CACNA2D3: variants seen among roughly 807,000 people sequenced by gnomAD.
The protein encoded by CACNA2D3 is calcium voltage-gated channel auxiliary subunit alpha2delta 3, also known as voltage-dependent calcium channel subunit alpha-2/delta-3.
CACNA2D3 carries 60 observed loss-of-function variants against 160.6 expected under a neutral mutation model. The ratio of observed to expected loss-of-function variants is 0.37; its 90% CI spans 0.30 to 0.46. The LOEUF (loss-of-function observed/expected upper bound fraction) is 0.46. CACNA2D3 is among the 20% of genes least tolerant of loss of function. CACNA2D3 has a pLI of 1.00. For missense variants in CACNA2D3, 1,205 were observed against 1,365.0 expected, an observed-to-expected ratio of 0.88 and a Z score of 1.85; for synonymous variants, 558 against 492.9, an observed-to-expected ratio of 1.13 and a Z score of -1.75.
chr3:54,934,388 G>C (rs1220522209), intron 27 of CACNA2D3, among the ~76,000 whole-genome samples: 1 of 140,532 alleles, frequency 7.1e-6, no homozygotes, highest in Non-Finnish European at 1.5e-5. Flanking sequence ...AAAGTGGGGA[G>C]GTTGTGTTCA....
chr3:54,500,130 A>G (rs1338979090), intron 4 of CACNA2D3, among the ~76,000 whole-genome samples: 8 of 152,192 alleles, frequency 5.3e-5, no homozygotes, highest in African/African-American at 1.9e-4. Context: ...TAACCTCTTT[A>G]TCATTAAGTA....
chr3:54,542,308 C>G (rs1014150370), intron 5 of CACNA2D3, among the ~76,000 whole-genome samples: 7 of 152,054 alleles, frequency 4.6e-5, no homozygotes, highest in Non-Finnish European at 8.8e-5. Context: ...GATCTGCCCA[C>G]GTTGTCCTCC....
intron 4 of CACNA2D3, among the ~76,000 whole-genome samples, chr3:54,416,992 C>A (rs1358921329): frequency 6.6e-6 from 1 of 152,170 alleles, no homozygotes; most frequent in Non-Finnish European, 1.5e-5. Context: ...ATACTCAGAG[C>A]TATAGACATG....
chr3:54,368,877 A>G (rs1222800107), intron 3 of CACNA2D3, among the ~76,000 whole-genome samples: 3 of 150,582 alleles, frequency 2.0e-5, no homozygotes, highest in Non-Finnish European at 3.0e-5. Flanking sequence ...AATTTTTTGT[A>G]TTTTTAGTGG....
chr3:54,974,576 T>C (rs1469526790), intron 29 of CACNA2D3, among the ~76,000 whole-genome samples: 1 of 152,202 alleles, frequency 6.6e-6, no homozygotes, highest in African/African-American at 2.4e-5. Context: ...GGGCTTTAAC[T>C]TCAGGTATCT....
chr3:54,923,659 A>G (rs1365877509), intron 27 of CACNA2D3, among the ~76,000 whole-genome samples: 1 of 152,194 alleles, frequency 6.6e-6, no homozygotes, highest in Non-Finnish European at 1.5e-5. Context: ...GCACTCAAAT[A>G]TAGAAATGAA....
intron 2 of CACNA2D3, among the ~76,000 whole-genome samples, chr3:54,152,505 G>A (rs867995777): frequency 1.3e-5 from 2 of 152,172 alleles, no homozygotes; most frequent in Admixed American, 6.5e-5. Context: ...TATTTCTAAA[G>A]GAATAAGTGG....
chr3:54,586,000 C>T (rs138185894), intron 9 of CACNA2D3, among the ~76,000 whole-genome samples: 2 of 152,102 alleles, frequency 1.3e-5, no homozygotes, highest in Non-Finnish European at 2.9e-5. Context: ...CACAGTGGTT[C>T]ATGCCTGTAA....
At chr3:54,997,889 G>T (rs966295893) in intron 31 of CACNA2D3, among the ~76,000 whole-genome samples, 7 of 152,144 alleles carry the variant, frequency 4.6e-5, no homozygotes, top group African/African-American at 1.7e-4. Context: ...GGCCTCATCA[G>T]AGGCCCATGA....
intron 3 of CACNA2D3, among the ~76,000 whole-genome samples, chr3:54,353,802 G>A (rs1311912194): frequency 1.3e-5 from 2 of 152,162 alleles, no homozygotes; most frequent in Non-Finnish European, 2.9e-5. Flanking sequence ...CCTGGTCCTG[G>A]TCTAAAAGTT....
chr3:54,251,822 G>A (rs933303477), intron 2 of CACNA2D3, among the ~76,000 whole-genome samples: 4 of 152,178 alleles, frequency 2.6e-5, no homozygotes, highest in African/African-American at 9.7e-5. Context: ...AGGCTAGTTA[G>A]ATAAATATCA....
chr3:54,523,403 A>G (rs991782593), intron 5 of CACNA2D3, among the ~76,000 whole-genome samples: 3 of 152,098 alleles, frequency 2.0e-5, no homozygotes, highest in Non-Finnish European at 4.4e-5. Context: ...TCATTTGGTT[A>G]TGGTATATAA....
At chr3:55,000,220 C>T (rs1702950273) in intron 31 of CACNA2D3, among the ~76,000 whole-genome samples, 1 of 152,114 alleles carries the variant, frequency 6.6e-6, no homozygotes, top group South Asian at 2.1e-4. Context: ...GAACAGGATA[C>T]AGGTAGCCGC....
Position 55,074,240 on chromosome 3 carries a change from G to A in CACNA2D3, c.*34G>A. 7.9e-7 allele frequency: 1 copy of A among 1,270,818 alleles called. No homozygotes were observed. Among genetic ancestry groups the A allele is most frequent in the Non-Finnish European group, 1.1e-6 (1 of 885,328 alleles). The allele number at this position is 1,270,818 out of a possible 1,614,324, so 78.7% of individuals were successfully genotyped here. A position where few individuals can be genotyped will look rare whatever the true frequency, so the allele number is the denominator to read the frequency against. On this transcript the variant is annotated 3_prime_UTR_variant, in exon 38 of 38. Coordinates refer to ENST00000474759, the MANE Select transcript of CACNA2D3 (RefSeq NM_018398.3). The stretch of plus-strand genomic sequence containing the variant: ...GAGATGTTCTCTTACTGACTGAGAT[G>A]TTCTCTTGGCATGCTAAATCATGGA...
intron 29 of CACNA2D3, among the ~76,000 whole-genome samples, chr3:54,977,981 C>T (rs995633330): frequency 2.6e-5 from 4 of 152,040 alleles, no homozygotes; most frequent in East Asian, 1.9e-4. Context: ...CTTTTTAGAC[C>T]GTATAGGGTA....
At chr3:54,744,453 G>A (rs1490183773) in intron 11 of CACNA2D3, among the ~76,000 whole-genome samples, 1 of 152,150 alleles carries the variant, frequency 6.6e-6, no homozygotes, top group African/African-American at 2.4e-5. Context: ...GGATTTTGCG[G>A]GGAGGAAGTC....
At chr3:54,332,692 G>C (rs1004967824) in intron 3 of CACNA2D3, among the ~76,000 whole-genome samples, 1 of 152,136 alleles carries the variant, frequency 6.6e-6, no homozygotes, top group Non-Finnish European at 1.5e-5. Context: ...TGAGAGTAGA[G>C]GTGCAATTTT....
intron 4 of CACNA2D3, among the ~76,000 whole-genome samples, chr3:54,448,701 C>G (rs752214387): frequency 1.3e-5 from 2 of 152,242 alleles, no homozygotes; most frequent in African/African-American, 4.8e-5. Context: ...CATGATTAAA[C>G]CACTCTAGAC....
In CACNA2D3 at chr3:54,885,248, CT is replaced by C. The variant is rs764425955; in HGVS notation, c.1913-31del. The C allele has an allele frequency of 3.1e-6, 5 of 1,612,202 alleles. No individual in the cohort carries two copies. The South Asian group carries it at 4.4e-5, about 14-fold the overall frequency. On this transcript the variant is annotated intron_variant, in intron 21 of 37. Coordinates refer to ENST00000474759, the MANE Select transcript of CACNA2D3 (RefSeq NM_018398.3). ...ACACAGGAGGACTGGGGGAGTGATA[CT>C]TATTCATGAACCCCTTCTCCTTGAC...
Sources: allele counts gnomAD v4.1 joint callset (sites outside exome capture counted in the v4.1 genomes callset), GRCh38; gene constraint gnomAD v4.1.1; transcripts MANE v1.5; gene names NCBI Gene and HGNC (gene_info 2026-07-23, HGNC 2026-07-21).